Variants in ERP44 observed in about 807,000 individuals in gnomAD.
The protein encoded by ERP44 is endoplasmic reticulum resident protein 44.
ERP44 carries 25 observed loss-of-function variants against 53.4 expected under a neutral mutation model. That is an observed-to-expected ratio of 0.47 (90% CI 0.34 to 0.65). ERP44 has a LOEUF of 0.65. ERP44 is among the 30% of genes least tolerant of loss of function. The pLI, the probability that ERP44 is intolerant of heterozygous loss-of-function variation, is 0.01. For missense variants in ERP44, 338 were observed against 493.2 expected, an observed-to-expected ratio of 0.69 and a Z score of 2.98; for synonymous variants, 145 against 161.2, an observed-to-expected ratio of 0.90 and a Z score of 0.76.
At chr9:100,013,121 G>A (rs1056480634) in intron 8 of ERP44, among the ~76,000 whole-genome samples, 2 of 152,156 alleles carry the variant, frequency 1.3e-5, no homozygotes, top group Non-Finnish European at 2.9e-5. Flanking sequence ...AGATCTAAGA[G>A]CTGGAAGCCT....
chr9:99,997,216 T>C (rs950798729), intron 10 of ERP44, among the ~76,000 whole-genome samples: 2 of 152,140 alleles, frequency 1.3e-5, no homozygotes, highest in Admixed American at 1.3e-4. Flanking sequence ...CTTAAAGGAA[T>C]CTCCACACTG....
intron 1 of ERP44, among the ~76,000 whole-genome samples, chr9:100,087,147 C>A (rs758287148): frequency 1.3e-5 from 2 of 151,634 alleles, no homozygotes; most frequent in Non-Finnish European, 2.9e-5. Flanking sequence ...TCCTTTAATT[C>A]TAAAACCAAT....
chr9:100,067,322 C>A (rs1826223773), intron 1 of ERP44, among the ~76,000 whole-genome samples: 1 of 152,244 alleles, frequency 6.6e-6, no homozygotes, highest in Non-Finnish European at 1.5e-5. Context: ...TGCCCAGTGC[C>A]TGCGACTGCA....
At chr9:100,052,346 GA>G (rs1030308517) in intron 4 of ERP44, 70 bp downstream of exon 4, 5 of 677,196 alleles carry the variant, frequency 7.4e-6, no homozygotes, top group Non-Finnish European at 1.2e-5. Context: ...GAAAAGAAAA[GA>G]AAAAATGTGT....
chr9:100,062,332 A>G (rs1826160159), intron 1 of ERP44, among the ~76,000 whole-genome samples: 1 of 152,200 alleles, frequency 6.6e-6, no homozygotes, highest in Non-Finnish European at 1.5e-5. Context: ...GAACCTAGAG[A>G]TGGGTAAGAA....
At chr9:100,025,479 A>C (rs1417804461) in intron 4 of ERP44, among the ~76,000 whole-genome samples, 1 of 152,220 alleles carries the variant, frequency 6.6e-6, no homozygotes, top group African/African-American at 2.4e-5. Context: ...TTGAAAACCA[A>C]TTAATGTACA....
intron 1 of ERP44, among the ~76,000 whole-genome samples, chr9:100,091,138 G>T (rs116427324): frequency 6.6e-6 from 1 of 152,062 alleles, no homozygotes; most frequent in Non-Finnish European, 1.5e-5. Flanking sequence ...AGCAATGTTC[G>T]TGTCTACAAA....
chr9:100,082,675 C>T (rs1374058906), intron 1 of ERP44, among the ~76,000 whole-genome samples: 1 of 151,604 alleles, frequency 6.6e-6, no homozygotes, highest in Non-Finnish European at 1.5e-5. Flanking sequence ...CCTCAGGCTT[C>T]GCATTCTATG....
chr9:100,081,713 T>C (rs1587984411), intron 1 of ERP44, among the ~76,000 whole-genome samples: 1 of 152,122 alleles, frequency 6.6e-6, no homozygotes, highest in East Asian at 1.9e-4. Flanking sequence ...ATCACGTCTA[T>C]TGGGGAAATA....
chr9:100,004,824 G>A (rs946899590), intron 10 of ERP44, among the ~76,000 whole-genome samples: 15 of 152,094 alleles, frequency 9.9e-5, no homozygotes, highest in Admixed American at 8.5e-4. Context: ...GTGTGGAGAC[G>A]AACATGGAAA....
chr9:100,007,809 G>A (rs1830436460), intron 8 of ERP44, 120 bp from the exon 9 acceptor site: 2 of 657,948 alleles, frequency 3.0e-6, no homozygotes, highest in Non-Finnish European at 5.4e-6. Context: ...TATCCCGGGG[G>A]AAAAAAAAGG....
chr9:100,067,298 C>T (rs954041198), intron 1 of ERP44, among the ~76,000 whole-genome samples: 7 of 152,354 alleles, frequency 4.6e-5, no homozygotes, highest in Admixed American at 4.6e-4. Flanking sequence ...CTGCCTGATT[C>T]TCCTGCCTCA....
chr9:100,026,128 G>C (rs1442680998), intron 4 of ERP44, among the ~76,000 whole-genome samples: 1 of 152,196 alleles, frequency 6.6e-6, no homozygotes, highest in African/African-American at 2.4e-5. Context: ...TGCAGATTTA[G>C]GGCTGAGAAT....
intron 4 of ERP44, among the ~76,000 whole-genome samples, chr9:100,037,798 T>G (rs1825859858): frequency 6.6e-6 from 1 of 152,112 alleles, no homozygotes; most frequent in Non-Finnish European, 1.5e-5. Context: ...ATTCATCACC[T>G]GCTTACTGAA....
At chr9:100,034,574 C>CA (rs1261892202) in intron 4 of ERP44, among the ~76,000 whole-genome samples, 2 of 150,940 alleles carry the variant, frequency 1.3e-5, no homozygotes, top group Admixed American at 6.6e-5. Context: ...TTAAAAAAAA[C>CA]AAAAAAACAA....
rs769352730 is a variant in ERP44, at chr9:100,052,487, G to A, written c.216C>T (p.Ser72=). The A allele has an allele frequency of 1.9e-5, 31 of 1,612,250 alleles. No individual in the cohort carries two copies. Among genetic ancestry groups the A allele is most frequent in the Middle Eastern group, 3.3e-4 (2 of 6,074 alleles). ...QMLHPIFEEA[S]DVIKEEFPNE... The stretch of plus-strand genomic sequence containing the variant: ...TTGGAAATTCTTCCTTAATGACATC[G>A]GAAGCTTCCTCAAAAATTGGATGCA... The change falls in exon 4 of 12, where the codon TCC becomes TCT. Residue 72 remains serine (S), a synonymous_variant. Transcript: ENST00000262455.
chr9:100,037,592 C>T (rs73656931), intron 4 of ERP44, among the ~76,000 whole-genome samples: 1 of 152,256 alleles, frequency 6.6e-6, no homozygotes, highest in African/African-American at 2.4e-5. Context: ...CCCCTTCCTT[C>T]TGCTCAAGGA....
chr9:100,006,435 T>A, intron 10 of ERP44, 71 bp downstream of exon 10: 1 of 1,170,904 alleles, frequency 8.5e-7, no homozygotes, highest in South Asian at 1.3e-5. Context: ...TTTAAAATAT[T>A]CAAACAACTA....
intron 10 of ERP44, among the ~76,000 whole-genome samples, chr9:99,985,698 C>A (rs1830189538): frequency 6.6e-6 from 1 of 152,190 alleles, no homozygotes; most frequent in Non-Finnish European, 1.5e-5. Context: ...CAGGGCATAG[C>A]ATTTTCATGT....
Sources: allele counts gnomAD v4.1 joint callset (sites outside exome capture counted in the v4.1 genomes callset), GRCh38; gene constraint gnomAD v4.1.1; transcripts MANE v1.5; gene names NCBI Gene and HGNC (gene_info 2026-07-23, HGNC 2026-07-21).